The following ADAMTSL1 variants were observed in gnomAD, a reference collection of about 807,000 sequenced individuals.
ADAMTSL1 encodes ADAMTS like 1.
In ADAMTSL1, 126 loss-of-function variants were observed where a neutral mutation model predicts 201.8. The ratio of observed to expected loss-of-function variants is 0.62; its 90% CI spans 0.54 to 0.72. ADAMTSL1 has a LOEUF of 0.72. Ranked by LOEUF, ADAMTSL1 falls within the 30% of genes least tolerant of loss-of-function variation. ADAMTSL1 has a pLI of 0.00. For synonymous variants in ADAMTSL1, 1,121 were observed against 903.4 expected (o/e 1.24, Z -4.32); for missense variants, 2,679 against 2,277.8 (o/e 1.18, Z -3.59).
chr9:18,121,327 C>A (rs1385692651), intron 1 of ADAMTSL1, among the ~76,000 whole-genome samples: 1 of 152,198 alleles, frequency 6.6e-6, no homozygotes, highest in East Asian at 1.9e-4. Context: ...GTTACACCGA[C>A]AAAAAACTCA....
At chr9:18,773,511 T>A (rs964248422) in intron 17 of ADAMTSL1, among the ~76,000 whole-genome samples, 1 of 152,220 alleles carries the variant, frequency 6.6e-6, no homozygotes, top group Non-Finnish European at 1.5e-5. Flanking sequence ...TCAAATCAAA[T>A]GTTACTATGA....
intron 1 of ADAMTSL1, among the ~76,000 whole-genome samples, chr9:18,080,833 A>T (rs558759483): frequency 2.6e-5 from 4 of 152,310 alleles, no homozygotes; most frequent in South Asian, 2.1e-4. Context: ...CATTCTAGAC[A>T]CAGAAGTGCC....
At chr9:18,572,970 C>T (rs1315425534) in intron 3 of ADAMTSL1, among the ~76,000 whole-genome samples, 1 of 152,106 alleles carries the variant, frequency 6.6e-6, no homozygotes, top group Non-Finnish European at 1.5e-5. Context: ...TCAAAAAGCC[C>T]TTCCAAGGGA....
chr9:18,785,320 C>T (rs1412712456), intron 19 of ADAMTSL1, among the ~76,000 whole-genome samples: 1 of 152,206 alleles, frequency 6.6e-6, no homozygotes, highest in African/African-American at 2.4e-5. Flanking sequence ...CATAAATTAA[C>T]ATTCAATATT....
intron 10 of ADAMTSL1, among the ~76,000 whole-genome samples, chr9:18,678,936 A>C (rs1830284535): frequency 6.6e-6 from 1 of 152,168 alleles, no homozygotes; most frequent in Non-Finnish European, 1.5e-5. Flanking sequence ...CAAGGGCCAA[A>C]CAGAGGGCCT....
Position 18,501,503 on chromosome 9 carries a change from C to CAA in ADAMTSL1, c.64-3306_64-3305dup, listed in dbSNP as rs397894789. ...TGGGCAACAAAGTAAGACACGGTCT[C>CAA]AAAAAAAAAAAAAAAAAAAAAGTAA... On this transcript the variant is annotated intron_variant, in intron 1 of 28. Coordinates refer to ENST00000380548, the MANE Select transcript of ADAMTSL1 (RefSeq NM_001040272.6). 4.3e-3 allele frequency among the ~76,000 whole-genome samples: 404 copies of CAA among 92,988 alleles called. 5 individuals are homozygous for CAA. The highest frequency in any genetic ancestry group is 0.019 in the African/African-American group (374 of 19,608). 61.0% of individuals were successfully genotyped at this position (92,988 alleles called of 152,430 possible). A position where few individuals can be genotyped will look rare whatever the true frequency, so the allele number is the denominator to read the frequency against.
intron 7 of ADAMTSL1, among the ~76,000 whole-genome samples, chr9:18,645,109 G>A (rs2132850946): frequency 6.6e-6 from 1 of 152,196 alleles, no homozygotes; most frequent in South Asian, 2.1e-4. Context: ...ATCTCATTGT[G>A]GTTTTGATTT....
chr9:18,530,360 G>GAAA (rs761881263), intron 2 of ADAMTSL1, among the ~76,000 whole-genome samples: 14 of 152,132 alleles, frequency 9.2e-5, no homozygotes, highest in Non-Finnish European at 1.9e-4. Flanking sequence ...TAAAAAGGAT[G>GAAA]AAAAACATAT....
intron 2 of ADAMTSL1, among the ~76,000 whole-genome samples, chr9:18,378,596 C>T (rs1449708770): frequency 6.6e-6 from 1 of 152,186 alleles, no homozygotes; most frequent in Non-Finnish European, 1.5e-5. Flanking sequence ...TCCCATTTCT[C>T]ACACCTCACC....
chr9:18,328,217 T>A (rs1311579186), intron 2 of ADAMTSL1, among the ~76,000 whole-genome samples: 1 of 152,254 alleles, frequency 6.6e-6, no homozygotes, highest in Non-Finnish European at 1.5e-5. Context: ...TTTTCACTGC[T>A]GTGGAGAGTG....
chr9:18,029,053 C>G (rs1820818710), intron 1 of ADAMTSL1, among the ~76,000 whole-genome samples: 1 of 152,066 alleles, frequency 6.6e-6, no homozygotes, highest in Non-Finnish European at 1.5e-5. Context: ...CATGATTTGG[C>G]TCTCTGTTTG....
intron 15 of ADAMTSL1, chr9:18,723,386 A>C (rs1444242008): frequency 4.8e-6 from 2 of 416,726 alleles, no homozygotes; most frequent in East Asian, 1.0e-4. Context: ...AGTGCCGAGG[A>C]GTCAGTGCCT....
chr9:18,891,718 G>A (rs1829286047), intron 25 of ADAMTSL1, among the ~76,000 whole-genome samples: 1 of 152,208 alleles, frequency 6.6e-6, no homozygotes, highest in Admixed American at 6.5e-5. Flanking sequence ...TGTGCAGCAG[G>A]AAGTATACCG....
chr9:18,483,274 T>A (rs1821820274), intron 1 of ADAMTSL1, among the ~76,000 whole-genome samples: 1 of 152,204 alleles, frequency 6.6e-6, no homozygotes, highest in South Asian at 2.1e-4. Flanking sequence ...TTAAAATAAA[T>A]GTCTGTAAAG....
chr9:18,532,259 G>A (rs1819489179), intron 2 of ADAMTSL1, among the ~76,000 whole-genome samples: 1 of 152,116 alleles, frequency 6.6e-6, no homozygotes, highest in Admixed American at 6.5e-5. Context: ...GCTGGTGGGA[G>A]TATGTAATGG....
intron 1 of ADAMTSL1, among the ~76,000 whole-genome samples, chr9:18,154,612 A>G (rs985729690): frequency 3.9e-5 from 6 of 152,108 alleles, no homozygotes; most frequent in African/African-American, 1.4e-4. Context: ...ATTAATATAA[A>G]CAAATGACAA....
intron 1 of ADAMTSL1, among the ~76,000 whole-genome samples, chr9:17,974,179 T>C (rs1295892807): frequency 6.6e-6 from 1 of 151,874 alleles, no homozygotes; most frequent in Non-Finnish European, 1.5e-5. Context: ...ACTTTGAAAA[T>C]GGGCACAAGA....
chr9:18,706,679 C>T (rs1366888560), intron 13 of ADAMTSL1, 68 bp from the exon 14 acceptor site: 1 of 1,476,658 alleles, frequency 6.8e-7, no homozygotes, highest in African/African-American at 1.4e-5. Context: ...GATGCAGCCC[C>T]TCACAGCCCC....
At chr9:18,653,379 C>T (rs925590338) in intron 7 of ADAMTSL1, among the ~76,000 whole-genome samples, 1 of 152,196 alleles carries the variant, frequency 6.6e-6, no homozygotes, top group South Asian at 2.1e-4. Flanking sequence ...CAAATCTTTG[C>T]CACCTTCTTC....
Sources: gnomAD v4.1 joint callset for allele counts (sites outside exome capture counted in the v4.1 genomes callset) on GRCh38, gnomAD v4.1.1 for gene constraint, MANE v1.5 for transcripts, NCBI Gene and HGNC (gene_info 2026-07-23, HGNC 2026-07-21) for gene names.